Variants in FAM161B observed in about 807,000 individuals in gnomAD.
FAM161B encodes FAM161 centrosomal protein B, also known as protein FAM161B.
FAM161B carries 46 observed loss-of-function variants against 61.5 expected under a neutral mutation model. The ratio of observed to expected loss-of-function variants is 0.75; its 90% CI spans 0.59 to 0.96. FAM161B has a LOEUF of 0.96. FAM161B is among the 40% of genes least tolerant of loss of function. The probability of loss-of-function intolerance (pLI) is 0.00; values close to 1 mark genes in which losing one functional copy is unlikely to be tolerated. For missense variants in FAM161B, 774 were observed against 800.7 expected (o/e 0.97, Z 0.40); for synonymous variants, 284 against 302.7 (o/e 0.94, Z 0.64).
downstream of FAM161B, among the ~76,000 whole-genome samples, chr14:73,928,616 C>G (rs1331179540): frequency 1.3e-5 from 2 of 152,126 alleles, no homozygotes; most frequent in Non-Finnish European, 2.9e-5. Context: ...TGCCCACTTA[C>G]AGCCTCAGGG....
chr14:73,926,714 C>T (rs933156803), downstream of FAM161B, among the ~76,000 whole-genome samples: 29 of 150,120 alleles, frequency 1.9e-4, 1 homozygote, highest in Admixed American at 1.1e-3. Context: ...GGATTACAGG[C>T]GTGAGCCACT....
At chr14:73,929,307 C>T (rs933025838), downstream of FAM161B, among the ~76,000 whole-genome samples, 4 of 151,954 alleles carry the variant, frequency 2.6e-5, no homozygotes, top group East Asian at 7.7e-4. Context: ...GCTTAGGCCT[C>T]TTCCTCATCC....
rs771446728 is a variant in FAM161B at position 73,946,590 on chromosome 14, A to C, written c.70T>G (p.Ser24Ala). ...EGSRQIFPPE[S>A]FADTEAGEEL... ...TCTCCTGCCTCTGTGTCTGCGAAGG[A>C]CTCGGGGGGAAATATCTAAAATAGA... is the stretch of plus-strand genomic sequence containing the variant. The change falls in exon 2 of 9, where the codon TCC becomes GCC. Residue 24 changes from serine to alanine, a missense_variant. Ser to Ala is a moderately conservative substitution (Grantham distance 99). Coordinates refer to ENST00000286544, the MANE Select transcript of FAM161B (RefSeq NM_152445.3). The C allele has an allele frequency of 1.2e-6, 2 of 1,612,726 alleles. No individual in the cohort carries two copies. Among genetic ancestry groups the C allele is most frequent in the South Asian group, 1.1e-5 (1 of 91,058 alleles).
At chr14:73,931,623 C>A, downstream of FAM161B, 5 of 1,287,448 alleles carry the variant, frequency 3.9e-6, no homozygotes, top group East Asian at 2.3e-5. Context: ...TAGCCCACAA[C>A]AGAACCAGAA....
At position 73,938,079 on chromosome 14, in the gene FAM161B, C is replaced by T; in HGVS notation, c.1434G>A (p.Glu478=). The T allele has an allele frequency of 1.2e-6, 2 of 1,614,176 alleles. No homozygotes were observed. ...TGTGTATCTCCAGCCACTGAATACTCTCATCTGCTTTGTTCTTTTTTTCAA... is the reference window on the plus strand; with the variant it reads ...TGTGTATCTCCAGCCACTGAATACTTTCATCTGCTTTGTTCTTTTTTTCAA... ...SALEKKNKAD[E]SIQWLEIHKK... The change falls in exon 6 of 9, where the codon GAG becomes GAA. Residue 478 remains glutamate, a synonymous_variant. Transcript: ENST00000286544.
chr14:73,931,757 G>A (rs1663192971), downstream of FAM161B: 1 of 558,880 alleles, frequency 1.8e-6, no homozygotes, highest in African/African-American at 1.9e-5. Flanking sequence ...AGCAATGACT[G>A]TGGGCTGGGA....
intron 3 of FAM161B, 136 bp from the exon 4 acceptor site, chr14:73,942,851 T>A: frequency 1.4e-6 from 1 of 712,242 alleles, no homozygotes; most frequent in Non-Finnish European, 2.3e-6. Flanking sequence ...TTCTGACACG[T>A]TAACATCCTG....
chr14:73,949,927 C>T (rs1194796651), intron 1 of FAM161B, 46 bp downstream of exon 1: 2 of 1,608,956 alleles, frequency 1.2e-6, no homozygotes. Context: ...CAACAGTTTC[C>T]TCTCCGGGAT....
rs535146002 is a variant in FAM161B, at chr14:73,942,626, G to A, written c.1015C>T (p.Arg339Trp). 11 of 1,614,070 alleles carry A rather than the reference G, an allele frequency of 6.8e-6. No homozygotes were observed. Among genetic ancestry groups the A allele is most frequent in the Middle Eastern group, 1.6e-4 (1 of 6,084 alleles). ...GCTGTGCGGGGCTGTGGGTTAGCCC[G>A]GTTACTAGAGGAGGCGATAGGGGAA... ...ASSPIASSSNRANPQPRTATR... is the reference protein window; with the variant it reads ...ASSPIASSSNWANPQPRTATR... Residue 339 changes from arginine (R) to tryptophan (W), a missense_variant, in exon 4 of 9, where the codon CGG (arginine) becomes TGG (tryptophan). Physicochemically the swap from Arg to Trp is moderately radical, Grantham distance 101. Transcript: ENST00000286544.
At position 73,933,538 on chromosome 14, in the gene FAM161B, A is replaced by G. The variant is rs1264816835; in HGVS notation, c.*718T>C. The G allele has an allele frequency of 6.6e-6, 1 of 152,224 alleles. No individual in the cohort carries two copies. The highest frequency in any genetic ancestry group is 1.9e-4 in the East Asian group (1 of 5,206). The allele number at this position is 152,224 out of a possible 1,614,324, so 9.4% of individuals were successfully genotyped here. A position where few individuals can be genotyped will look rare whatever the true frequency, so the allele number is the denominator to read the frequency against. ...ATTTTTAAATTAGTTGATAGCATACAAATTTCTGGCTTGATGAAAATGTAG... is the reference window on the plus strand; with the variant it reads ...ATTTTTAAATTAGTTGATAGCATACGAATTTCTGGCTTGATGAAAATGTAG... On this transcript the variant is annotated 3_prime_UTR_variant, in exon 9 of 9. Coordinates refer to ENST00000286544, the MANE Select transcript of FAM161B (RefSeq NM_152445.3).
intron 4 of FAM161B, 129 bp from the exon 5 acceptor site, chr14:73,941,182 A>G (rs577531701): frequency 9.8e-5 from 117 of 1,188,040 alleles, no homozygotes; most frequent in Non-Finnish European, 1.3e-4. Flanking sequence ...CAGTGGCGCA[A>G]TCTCGGCTCA....
At chr14:73,931,828 T>C (rs1411940684), downstream of FAM161B, 4 of 451,658 alleles carry the variant, frequency 8.9e-6, no homozygotes, top group African/African-American at 4.0e-5. Flanking sequence ...TGAATTTGAT[T>C]ATGTGTTGGC....
In FAM161B at chr14:73,940,820, C is replaced by T. The variant is rs190674916; in HGVS notation, c.1400+106G>A. 2.7e-6 allele frequency: 4 copies of T among 1,460,006 alleles called. No homozygotes were observed. The Admixed American group carries it at 9.3e-5, about 34-fold the overall frequency. 90.4% of individuals were successfully genotyped at this position (1,460,006 alleles called of 1,614,324 possible). ...TCCTGATCAGAAAATTCCCTTTGACCCCTTGAGGTATCTCTGATAACAGGA... is the reference window on the plus strand; with the variant it reads ...TCCTGATCAGAAAATTCCCTTTGACTCCTTGAGGTATCTCTGATAACAGGA... On this transcript the variant is annotated intron_variant, in intron 5 of 8. Transcript: ENST00000286544.
chr14:73,928,054 G>T (rs943331052), downstream of FAM161B: 174 of 157,940 alleles, frequency 1.1e-3, 1 homozygote, highest in Middle Eastern at 6.3e-3. Context: ...GGCCAGGCTG[G>T]TCTCAAACTC....
At chr14:73,931,099 A>G (rs1210915648), downstream of FAM161B, among the ~76,000 whole-genome samples, 3 of 152,136 alleles carry the variant, frequency 2.0e-5, no homozygotes, top group African/African-American at 7.2e-5. Flanking sequence ...CTTATAAAGG[A>G]ACAGCTCCTC....
Position 73,934,090 on chromosome 14 carries a change from G to A in FAM161B, c.*166C>T, listed in dbSNP as rs2055949962. On this transcript the variant is annotated 3_prime_UTR_variant, in exon 9 of 9. Coordinates refer to ENST00000286544, the MANE Select transcript of FAM161B (RefSeq NM_152445.3). The stretch of plus-strand genomic sequence containing the variant: ...GCCTGCCTCAGCCTCCCAAAGTGTT[G>A]GGATTACAGGCGTGAGCCACTGCGC... The A allele has an allele frequency of 9.6e-6, 7 of 729,144 alleles. No homozygotes were observed. Among genetic ancestry groups the A allele is most frequent in the South Asian group, 4.2e-5 (2 of 47,802 alleles). The allele number at this position is 729,144 out of a possible 1,614,324, so 45.2% of individuals were successfully genotyped here. A position where few individuals can be genotyped will look rare whatever the true frequency, so the allele number is the denominator to read the frequency against.
chr14:73,942,444 C>T lies in FAM161B; in HGVS notation c.1197G>A (p.Lys399=), dbSNP rs760738282. The change falls in exon 4 of 9, where the codon AAG becomes AAA. Residue 399 remains lysine (K), a synonymous_variant. Transcript: ENST00000286544. ...RRETQEATRN[K]PFLLRTANLR... Reference sequence around the variant, plus strand: ...GGTTGGCGGTCCTCAGCAAGAAGGGCTTGTTGCGAGTGGCCTCTTGGGTTT... The same window carrying T: ...GGTTGGCGGTCCTCAGCAAGAAGGGTTTGTTGCGAGTGGCCTCTTGGGTTT... 1.5e-5 allele frequency: 24 copies of T among 1,614,210 alleles called. No individual in the cohort carries two copies. The Admixed American group carries it at 3.7e-4, about 25-fold the overall frequency.
At chr14:73,935,389 G>A (rs1454462865) in intron 8 of FAM161B, among the ~76,000 whole-genome samples, 1 of 151,968 alleles carries the variant, frequency 6.6e-6, no homozygotes, top group Non-Finnish European at 1.5e-5. Context: ...TTAGCCAGGC[G>A]TGATGGCGGG....
At chr14:73,948,905 G>A (rs558862635) in intron 1 of FAM161B, among the ~76,000 whole-genome samples, 2 of 150,980 alleles carry the variant, frequency 1.3e-5, no homozygotes, top group African/African-American at 2.4e-5. Context: ...GGAGGCACGC[G>A]CCACCACACC....
Sources: allele counts gnomAD v4.1 joint callset (sites outside exome capture counted in the v4.1 genomes callset), GRCh38; gene constraint gnomAD v4.1.1; transcripts MANE v1.5; gene names NCBI Gene and HGNC (gene_info 2026-07-23, HGNC 2026-07-21).